PXYLP1: variants seen among roughly 807,000 people sequenced by gnomAD.
The protein encoded by PXYLP1 is 2-phosphoxylose phosphatase 1, also known as acid phosphatase-like 2.
A neutral mutation model predicts 37.9 loss-of-function variants in PXYLP1; 17 were observed. The ratio of observed to expected loss-of-function variants is 0.45; its 90% confidence interval spans 0.31 to 0.67. The LOEUF is 0.67. PXYLP1 is among the 30% of genes least tolerant of loss of function. The pLI, the probability that PXYLP1 is intolerant of heterozygous loss-of-function variation, is 0.07. For synonymous variants in PXYLP1, 221 were observed against 232.2 expected, an observed-to-expected ratio of 0.95 and a Z score of 0.44; for missense variants, 511 against 612.0, an observed-to-expected ratio of 0.84 and a Z score of 1.74.
At chr3:141,271,533 G>A (rs184186013) in intron 2 of PXYLP1, among the ~76,000 whole-genome samples, 208 of 152,328 alleles carry the variant, frequency 1.4e-3, no homozygotes, top group African/African-American at 4.8e-3. Flanking sequence ...TTGTGTGGCA[G>A]CTGATCCCAG....
intron 4 of PXYLP1, among the ~76,000 whole-genome samples, chr3:141,284,292 G>T (rs745329789): frequency 6.6e-6 from 1 of 152,110 alleles, no homozygotes; most frequent in Non-Finnish European, 1.5e-5. Flanking sequence ...GTTGAACCCT[G>T]GTTGCTGCCA....
chr3:141,293,048 C>G lies in PXYLP1; in HGVS notation c.1286C>G (p.Thr429Arg). ...VRILYNGVDV[T>R]FHTSFCQDHH... ...ATTCTTTACAATGGCGTCGATGTCA[C>G]ATTCCACACCTCTTTCTGCCAAGAC... Residue 429 changes from threonine to arginine, a missense_variant, in exon 6 of 6, where the codon ACA becomes AGA. Physicochemically the swap from Thr to Arg is moderately conservative, Grantham distance 71. Transcript: ENST00000286353. 6.2e-7 allele frequency: 1 copy of G among 1,614,242 alleles called. No homozygotes were observed. Among genetic ancestry groups the G allele is most frequent in the Non-Finnish European group, 8.5e-7 (1 of 1,180,044 alleles).
chr3:141,281,529 G>C (rs1941956208), intron 4 of PXYLP1, among the ~76,000 whole-genome samples: 1 of 152,226 alleles, frequency 6.6e-6, no homozygotes, highest in African/African-American at 2.4e-5. Context: ...TGGCAGCAGT[G>C]GTGGCAGCAT....
intron 2 of PXYLP1, among the ~76,000 whole-genome samples, chr3:141,263,224 C>T (rs1412040140): frequency 2.0e-5 from 3 of 152,168 alleles, no homozygotes; most frequent in African/African-American, 4.8e-5. Flanking sequence ...GTGTGTTTGA[C>T]GTTTTTCTAC....
chr3:141,232,914 A>G (rs1940565199), intron 1 of PXYLP1, among the ~76,000 whole-genome samples: 1 of 152,170 alleles, frequency 6.6e-6, no homozygotes, highest in African/African-American at 2.4e-5. Flanking sequence ...TAAGCATTCA[A>G]CAAGTAAAAT....
intron 2 of PXYLP1, among the ~76,000 whole-genome samples, chr3:141,264,104 A>G (rs1470773075): frequency 6.6e-6 from 1 of 152,238 alleles, no homozygotes; most frequent in East Asian, 1.9e-4. Flanking sequence ...CCTCTTGGTC[A>G]GGGCCCCGAT....
intron 2 of PXYLP1, chr3:141,273,666 G>A (rs548944684): frequency 7.6e-4 from 753 of 985,342 alleles, no homozygotes; most frequent in Admixed American, 2.8e-3. Context: ...AGACCTTGTC[G>A]GCATCTTTAC....
chr3:141,287,405 CT>C lies in PXYLP1; in HGVS notation c.460del (p.Tyr154ThrfsTer27). On this transcript the variant is annotated frameshift_variant, in exon 5 of 6. Transcript: ENST00000286353. LOFTEE classifies it high-confidence loss of function. ...CGAAAGCCCCTTGAACTCCTTGCCT[CT>C]TTACCCAAATCACCCATTGTGTGAG... ...SFESPLNSLP[L>X]YPNHPLCEMG... 1 of 1,614,174 alleles carries C rather than the reference CT, an allele frequency of 6.2e-7. No individual in the cohort carries two copies. The highest frequency in any genetic ancestry group is 8.5e-7 in the Non-Finnish European group (1 of 1,180,026).
intron 1 of PXYLP1, among the ~76,000 whole-genome samples, chr3:141,246,942 C>T (rs1023573651): frequency 1.3e-5 from 2 of 152,226 alleles, no homozygotes; most frequent in Non-Finnish European, 2.9e-5. Flanking sequence ...GGCTTCCAAC[C>T]CACTACCTGT....
chr3:141,293,317 A>G lies in PXYLP1; in HGVS notation c.*112A>G. The stretch of plus-strand genomic sequence containing the variant: ...AGAAGATTATTGCTTTTTAAAGGCT[A>G]AATATTGTTTGTGGGAACCACAGAT... On this transcript the variant is annotated 3_prime_UTR_variant, in exon 6 of 6. Coordinates refer to ENST00000286353, the MANE Select transcript of PXYLP1 (RefSeq NM_001037172.3). The G allele has an allele frequency of 8.8e-7, 1 of 1,139,118 alleles. No individual in the cohort carries two copies. Among genetic ancestry groups the G allele is most frequent in the Non-Finnish European group, 1.2e-6 (1 of 824,608 alleles). 70.6% of individuals were successfully genotyped at this position (1,139,118 alleles called of 1,614,324 possible). A position where few individuals can be genotyped will look rare whatever the true frequency, so the allele number is the denominator to read the frequency against.
chr3:141,252,183 A>G (rs376669510), intron 1 of PXYLP1, among the ~76,000 whole-genome samples: 32 of 152,314 alleles, frequency 2.1e-4, no homozygotes, highest in African/African-American at 7.5e-4. Context: ...TGGCCAGATC[A>G]TAACAGGTCC....
chr3:141,245,600 A>ATTTGTTTAGTTTG (rs1331778313), intron 1 of PXYLP1, among the ~76,000 whole-genome samples: 1 of 151,986 alleles, frequency 6.6e-6, no homozygotes, highest in Non-Finnish European at 1.5e-5. Flanking sequence ...ATTTTAGTTT[A>ATTTGTTTAGTTTG]TTTGTGTCTT....
chr3:141,239,065 T>TA (rs10709588), intron 1 of PXYLP1, among the ~76,000 whole-genome samples: 59 of 144,288 alleles, frequency 4.1e-4, no homozygotes, highest in East Asian at 1.2e-3. Flanking sequence ...AGTTTTGTCT[T>TA]AAAAAAAAAA....
intron 1 of PXYLP1, among the ~76,000 whole-genome samples, chr3:141,242,765 C>T (rs994435269): frequency 5.3e-5 from 8 of 152,222 alleles, no homozygotes; most frequent in African/African-American, 1.7e-4. Context: ...AGAACGAAAT[C>T]ATGACTGTCT....
At chr3:141,265,302 T>C (rs186307685) in intron 2 of PXYLP1, among the ~76,000 whole-genome samples, 131 of 146,052 alleles carry the variant, frequency 9.0e-4, no homozygotes, top group Admixed American at 1.1e-3. Flanking sequence ...TTCATCAGAA[T>C]AACCTGGGAA....
Position 141,292,788 on chromosome 3 carries a change from C to G in PXYLP1, c.1026C>G (p.Phe342Leu), listed in dbSNP as rs3210458. The change falls in exon 6 of 6, where the codon TTC becomes TTG. Residue 342 changes from phenylalanine (F) to leucine (L), a missense_variant. Coordinates refer to ENST00000286353, the MANE Select transcript of PXYLP1 (RefSeq NM_001037172.3). The surrounding 1 kb of genome is among the most constrained non-coding windows in gnomAD (Gnocchi z 4.3). ...AAAGACGGGAGAAGAAATTGTACTT[C>G]GGGTATTCTCTCCTGGGTGCCCACC... The part of the protein sequence containing the change: ...ERERREKKLY[F>L]GYSLLGAHPI... 2.1e-4 allele frequency: 346 copies of G among 1,613,098 alleles called. No homozygotes were observed. Among genetic ancestry groups the G allele is most frequent in the Non-Finnish European group, 2.7e-4 (321 of 1,179,514 alleles).
At position 141,253,314 on chromosome 3, in the gene PXYLP1, C is replaced by T. The variant is rs189085409; in HGVS notation, c.-53-6809C>T. On this transcript the variant is annotated intron_variant, in intron 1 of 5. Transcript: ENST00000286353. ...AGACCCAGACATGGCAGGGGCACCCCAGCTCCGCCTGTGTGGCCTCTGGGC... is the reference window on the plus strand; with the variant it reads ...AGACCCAGACATGGCAGGGGCACCCTAGCTCCGCCTGTGTGGCCTCTGGGC... Among the ~76,000 whole-genome samples, 66 of 152,216 alleles carry T rather than the reference C, an allele frequency of 4.3e-4. No individual in the cohort carries two copies. The East Asian group carries it at 0.012, about 28-fold the overall frequency.
At chr3:141,264,311 G>C (rs144578727) in intron 2 of PXYLP1, among the ~76,000 whole-genome samples, 2 of 152,336 alleles carry the variant, frequency 1.3e-5, no homozygotes, top group Non-Finnish European at 2.9e-5. Flanking sequence ...CTTCCTAAAA[G>C]TCAGTGCCAT....
rs1942277523 is a variant in PXYLP1 at position 141,293,342 on chromosome 3, T to C, written c.*137T>C. On this transcript the variant is annotated 3_prime_UTR_variant, in exon 6 of 6. Coordinates refer to ENST00000286353, the MANE Select transcript of PXYLP1 (RefSeq NM_001037172.3). ...AAATATTGTTTGTGGGAACCACAGA[T>C]GGTTGGGGTTGAACAGTAAGCACAT... is the stretch of plus-strand genomic sequence containing the variant. 2.2e-6 allele frequency: 2 copies of C among 923,582 alleles called. No individual in the cohort carries two copies. Among genetic ancestry groups the C allele is most frequent in the Non-Finnish European group, 3.2e-6 (2 of 631,420 alleles). The allele number at this position is 923,582 out of a possible 1,614,324, so 57.2% of individuals were successfully genotyped here.
Sources: gnomAD v4.1 joint callset for allele counts (sites outside exome capture counted in the v4.1 genomes callset) on GRCh38, gnomAD v4.1.1 for gene constraint, Gnocchi (gnomAD v3.1) non-coding constraint, MANE v1.5 for transcripts, NCBI Gene and HGNC (gene_info 2026-07-23, HGNC 2026-07-21) for gene names.